The following SLC6A9 variants were observed in gnomAD, a reference collection of about 807,000 sequenced individuals.
SLC6A9 encodes the protein sodium- and chloride-dependent glycine transporter 1.
Under a neutral mutation model 70.9 loss-of-function variants are expected in SLC6A9, and 31 were observed. The observed-to-expected ratio is 0.44, with a 90% CI of 0.33 to 0.59. The LOEUF is 0.59. SLC6A9 is among the 20% of genes least tolerant of loss of function. The pLI is 0.04. For synonymous variants in SLC6A9, 310 were observed against 341.3 expected, an observed-to-expected ratio of 0.91 and a Z score of 1.01; for missense variants, 631 against 845.2, an observed-to-expected ratio of 0.75 and a Z score of 3.14.
At chr1:44,010,426 C>T (rs1185937155) in intron 3 of SLC6A9, 2 of 418,598 alleles carry the variant, frequency 4.8e-6, no homozygotes, top group Non-Finnish European at 8.4e-6. Flanking sequence ...GCTGCTGAAC[C>T]CCAGGGAATA....
At chr1:44,009,898 T>A in intron 4 of SLC6A9, 67 bp downstream of exon 4, 1 of 1,566,836 alleles carries the variant, frequency 6.4e-7, no homozygotes, top group Non-Finnish European at 8.7e-7. Flanking sequence ...ATGGGCGAGT[T>A]GGCACGGCCC....
chr1:44,019,655 C>T (rs946682644), intron 2 of SLC6A9, among the ~76,000 whole-genome samples: 2 of 152,274 alleles, frequency 1.3e-5, no homozygotes, highest in Non-Finnish European at 2.9e-5. Flanking sequence ...GCCATGGGGA[C>T]AGGAGGCGGC....
At chr1:44,022,150 C>T (rs572431319) in intron 2 of SLC6A9, among the ~76,000 whole-genome samples, 33 of 152,332 alleles carry the variant, frequency 2.2e-4, no homozygotes, top group South Asian at 8.3e-4. Context: ...CCGGGCCGAC[C>T]GGCAGAGCAC....
chr1:44,006,586 C>CAAAAAA (rs34759206), intron 5 of SLC6A9, among the ~76,000 whole-genome samples: 15 of 67,582 alleles, frequency 2.2e-4, no homozygotes, highest in South Asian at 8.3e-4. Flanking sequence ...GATTCTGTCT[C>CAAAAAA]AAAAAAAAAA....
In SLC6A9 at chr1:44,002,315, G is replaced by A. The variant is rs61733181; in HGVS notation, c.960C>T (p.Tyr320=). ...ASYNKFHNNC[Y]RDSVIISITN... is the part of the protein sequence containing the mutation. ...TCAGCCCAGCAGGGAGCACTCACCGGTAACAGTTATTGTGGAACTTGTTGT... is the reference window on the plus strand; with the variant it reads ...TCAGCCCAGCAGGGAGCACTCACCGATAACAGTTATTGTGGAACTTGTTGT... The change falls in exon 8 of 14, where the codon TAC becomes TAT. Residue 320 remains tyrosine (Y), a splice_region_variant and synonymous_variant. Transcript: ENST00000372310. The surrounding 1 kb of genome is among the most constrained non-coding windows in gnomAD (Gnocchi z 5.5). The A allele has an allele frequency of 8.8e-3, 14,138 of 1,610,120 alleles. 133 individuals carry two copies. Among genetic ancestry groups the A allele is most frequent in the South Asian group, 0.027 (2,438 of 90,974 alleles).
chr1:44,025,486 C>T (rs1438683352), intron 1 of SLC6A9, among the ~76,000 whole-genome samples: 1 of 145,400 alleles, frequency 6.9e-6, no homozygotes, highest in Non-Finnish European at 1.5e-5. Context: ...AGCAAGGTTC[C>T]GTCTCAAAAA....
chr1:44,000,693 T>C, intron 12 of SLC6A9, 74 bp downstream of exon 12: 1 of 998,928 alleles, frequency 1.0e-6, no homozygotes, highest in Non-Finnish European at 1.5e-6. Context: ...CCACTGTCCC[T>C]CCGCTGGGTC....
intron 1 of SLC6A9, among the ~76,000 whole-genome samples, chr1:44,028,875 G>T (rs2087036572): frequency 6.6e-6 from 1 of 152,182 alleles, no homozygotes; most frequent in Non-Finnish European, 1.5e-5. Flanking sequence ...TTAGGAAGGT[G>T]ACAATAGGGT....
At chr1:44,003,103 T>C (rs1056329411) in intron 5 of SLC6A9, 118 bp from the exon 6 acceptor site, 2 of 1,205,350 alleles carry the variant, frequency 1.7e-6, no homozygotes, top group African/African-American at 1.5e-5. Flanking sequence ...AGCAGCCACC[T>C]TGTGTGACAT....
chr1:44,030,241 A>C (rs1171383185), intron 1 of SLC6A9, among the ~76,000 whole-genome samples: 1 of 152,094 alleles, frequency 6.6e-6, no homozygotes, highest in African/African-American at 2.4e-5. Context: ...GGGGAGAGAG[A>C]TGTGGGGGCA....
chr1:44,010,689 C>A lies in SLC6A9; in HGVS notation c.187+37G>T, dbSNP rs759575340. Reference sequence around the variant, plus strand: ...CCAGGCCCTGGTGGGTGGGCTCTACCCAAGTGGGTGGTCCCTGCCCTGTGC... The same window carrying A: ...CCAGGCCCTGGTGGGTGGGCTCTACACAAGTGGGTGGTCCCTGCCCTGTGC... On this transcript the variant is annotated intron_variant, in intron 3 of 13. Transcript: ENST00000372310. 11 of 1,606,078 alleles carry A rather than the reference C, an allele frequency of 6.8e-6. No homozygotes were observed. The Admixed American group carries it at 1.2e-4, about 17-fold the overall frequency.
rs1381232383 is a variant in SLC6A9, at chr1:43,998,114, G to T, written c.1537-89C>A. ...CTCTACCAGCACCCTTTCCTCTCTG[G>T]TTTCCCAAACTAGAAAAGGGCATTT... On this transcript the variant is annotated intron_variant, in intron 12 of 13. Transcript: ENST00000372310. The T allele has an allele frequency of 2.3e-6, 3 of 1,295,524 alleles. No homozygotes were observed. The African/African-American group carries it at 4.5e-5, about 19-fold the overall frequency. The allele number at this position is 1,295,524 out of a possible 1,614,324, so 80.3% of individuals were successfully genotyped here.
Position 44,010,897 on chromosome 1 carries a change from G to A in SLC6A9, c.31-15C>T, listed in dbSNP as rs201387921. 9 of 1,613,832 alleles carry A rather than the reference G, an allele frequency of 5.6e-6. No homozygotes were observed. The highest frequency in any genetic ancestry group is 7.6e-6 in the Non-Finnish European group (9 of 1,179,902). Reference sequence around the variant, plus strand: ...ACAGCACCATTCTGTGGGGACAGGAGAGAAGCTACCATCAGCAAGGCATTT... The same window carrying A: ...ACAGCACCATTCTGTGGGGACAGGAAAGAAGCTACCATCAGCAAGGCATTT... On this transcript the variant is annotated splice_polypyrimidine_tract_variant and intron_variant, in intron 2 of 13. Transcript: ENST00000372310.
intron 1 of SLC6A9, among the ~76,000 whole-genome samples, chr1:44,026,715 G>A (rs781671250): frequency 1.3e-5 from 2 of 151,690 alleles, no homozygotes; most frequent in African/African-American, 2.4e-5. Context: ...TATTAAGCCC[G>A]CTGGTCAGGT....
Position 44,018,879 on chromosome 1 carries a change from A to G in SLC6A9, c.30+5369T>C, listed in dbSNP as rs114112249. 0.01 allele frequency among the ~76,000 whole-genome samples: 1,565 copies of G among 152,258 alleles called. 23 individuals are homozygous for G. Among genetic ancestry groups the G allele is most frequent in the African/African-American group, 0.036 (1,508 of 41,540 alleles). On this transcript the variant is annotated intron_variant, in intron 2 of 13. Transcript: ENST00000372310. This position sits in a 1 kb window ranked among gnomAD's most constrained non-coding sequence, Gnocchi z 4.2. ...CAGACGTTGGAAGTTGTAGTGAGCTATGATCACACCACTGCACTCCAAACT... is the reference window on the plus strand; with the variant it reads ...CAGACGTTGGAAGTTGTAGTGAGCTGTGATCACACCACTGCACTCCAAACT...
rs1332675156 is a variant in SLC6A9, at chr1:44,018,327, TCACGCCTGTAATCC to T, written c.30+5907_30+5920del. 2.0e-5 allele frequency among the ~76,000 whole-genome samples: 3 copies of T among 152,090 alleles called. No individual in the cohort carries two copies. The highest frequency in any genetic ancestry group is 2.9e-5 in the Non-Finnish European group (2 of 68,016). ...TAAAAACAGGGCCAGGTACGGTGGC[TCACGCCTGTAATCC>T]CAGCACTTTGGGAGGCTGAGGAGGG... On this transcript the variant is annotated intron_variant, in intron 2 of 13. Coordinates refer to ENST00000372310, the MANE Select transcript of SLC6A9 (RefSeq NM_001024845.3). The surrounding 1 kb of genome is among the most constrained non-coding windows in gnomAD (Gnocchi z 4.2).
chr1:44,001,413 T>A lies in SLC6A9; in HGVS notation c.1177A>T (p.Ile393Phe). ...ACCTGAGTGCCCAGCCCCAGCAGGA[T>A]AAGCATGAAGAAGAAGAGCAGAGAC... ...LWSLLFFFML[I>F]LLGLGTQFCL... Residue 393 changes from isoleucine (I) to phenylalanine (F), a missense_variant, in exon 9 of 14, where the codon ATC becomes TTC. Physicochemically the swap from Ile to Phe is conservative, Grantham distance 21. Transcript: ENST00000372310. The A allele has an allele frequency of 6.2e-7, 1 of 1,613,332 alleles. No individual in the cohort carries two copies. The highest frequency in any genetic ancestry group is 8.5e-7 in the Non-Finnish European group (1 of 1,179,480).
chr1:44,028,571 C>T (rs1284828926), intron 1 of SLC6A9, among the ~76,000 whole-genome samples: 2 of 152,136 alleles, frequency 1.3e-5, no homozygotes, highest in African/African-American at 2.4e-5. Context: ...GCCTGACCGA[C>T]ATGGAGAAAC....
At chr1:44,010,198 G>T in intron 3 of SLC6A9, 102 bp from the exon 4 acceptor site, 1 of 1,304,546 alleles carries the variant, frequency 7.7e-7, no homozygotes, top group Non-Finnish European at 1.1e-6. Flanking sequence ...GATTGGGTAG[G>T]ACCCAGGGAG....
Sources: gnomAD v4.1 joint callset for allele counts (sites outside exome capture counted in the v4.1 genomes callset) on GRCh38, gnomAD v4.1.1 for gene constraint, Gnocchi (gnomAD v3.1) non-coding constraint, MANE v1.5 for transcripts, NCBI Gene and HGNC (gene_info 2026-07-23, HGNC 2026-07-21) for gene names.